MTIF2: variants seen among roughly 807,000 people sequenced by gnomAD.
MTIF2 encodes the protein mitochondrial translational initiation factor 2, also known as translation initiation factor IF-2, mitochondrial.
MTIF2 carries 71 observed loss-of-function variants against 83.5 expected under a neutral mutation model. The observed-to-expected ratio is 0.85, with a 90% CI of 0.70 to 1.04. The LOEUF (loss-of-function observed/expected upper bound fraction) is 1.04. Ranked by LOEUF, MTIF2 falls within the 50% of genes least tolerant of loss-of-function variation. The probability of loss-of-function intolerance (pLI) is 0.00; values close to 1 mark genes in which losing one functional copy is unlikely to be tolerated. For missense variants in MTIF2, 957 were observed against 846.5 expected, an observed-to-expected ratio of 1.13 and a Z score of -1.62; for synonymous variants, 319 against 287.1, an observed-to-expected ratio of 1.11 and a Z score of -1.12.
intron 8 of MTIF2, among the ~76,000 whole-genome samples, chr2:55,251,335 G>C (rs2104383773): frequency 6.6e-6 from 1 of 152,166 alleles, no homozygotes; most frequent in South Asian, 2.1e-4. Flanking sequence ...AGGCAGTTTT[G>C]AGGAATTAAA....
At chr2:55,238,234 C>T (rs1676036750) in intron 14 of MTIF2, among the ~76,000 whole-genome samples, 1 of 151,792 alleles carries the variant, frequency 6.6e-6, no homozygotes, top group Admixed American at 6.6e-5. Context: ...GGAGGCTGGT[C>T]TTGAATTCGT....
chr2:55,268,503 T>C (rs2104500491), intron 2 of MTIF2, 75 bp downstream of exon 2: 1 of 151,886 alleles, frequency 6.6e-6, no homozygotes, highest in East Asian at 1.9e-4. Flanking sequence ...AGATATGTAA[T>C]TGAGGCAGGA....
In MTIF2 at chr2:55,243,489, T is replaced by C. The variant is rs1237890572; in HGVS notation, c.1491A>G (p.Arg497=). The C allele has an allele frequency of 1.1e-5, 18 of 1,614,010 alleles. No individual in the cohort carries two copies. Among genetic ancestry groups the C allele is most frequent in the Non-Finnish European group, 1.4e-5 (17 of 1,179,990 alleles). Reference sequence around the variant, plus strand: ...TTGGCTTTAAGGGTATTTGTTCTTTTCTTTCTAAAAACCGTAGAATTGATC... The same window carrying C: ...TTGGCTTTAAGGGTATTTGTTCTTTCCTTTCTAAAAACCGTAGAATTGATC... The part of the protein sequence containing the change: ...KKRSILRFLE[R]KEQIPLKPKE... Residue 497 remains arginine, a synonymous_variant, in exon 12 of 16, where the codon AGA becomes AGG. Transcript: ENST00000263629.
At chr2:55,258,811 C>CAAA (rs368542489) in intron 5 of MTIF2, among the ~76,000 whole-genome samples, 10 of 67,240 alleles carry the variant, frequency 1.5e-4, no homozygotes, top group South Asian at 1.1e-3. Context: ...GCCTCTGTCT[C>CAAA]AAAAAAAAAA....
intron 5 of MTIF2, among the ~76,000 whole-genome samples, chr2:55,258,390 C>G (rs1677704193): frequency 6.6e-6 from 1 of 152,178 alleles, no homozygotes; most frequent in Non-Finnish European, 1.5e-5. Flanking sequence ...ATGAGTTGGT[C>G]AGGCATAGTG....
rs1163814915 is a variant in MTIF2, at chr2:55,243,609, C to G, written c.1371G>C (p.Gln457His). 1 of 1,614,024 alleles carries G rather than the reference C, an allele frequency of 6.2e-7. No homozygotes were observed. The change falls in exon 12 of 16, where the codon CAG becomes CAC. Residue 457 changes from glutamine (Q) to histidine (H), a missense_variant. Coordinates refer to ENST00000263629, the MANE Select transcript of MTIF2 (RefSeq NM_002453.3). ...TTTCTTCTATTATTTTCAGATCCTC[C>G]TGACCTTTCTCCTGTTCTTGTTCAT... ...RKYEQEQEKG[Q>H]EDLKIIEEKR...
intron 8 of MTIF2, among the ~76,000 whole-genome samples, chr2:55,250,836 C>T (rs1183608780): frequency 6.6e-6 from 1 of 151,998 alleles, no homozygotes; most frequent in African/African-American, 2.4e-5. Context: ...TACATTCTGG[C>T]CGGGCACGGT....
At chr2:55,256,650 G>A (rs967116953) in intron 5 of MTIF2, among the ~76,000 whole-genome samples, 2 of 149,944 alleles carry the variant, frequency 1.3e-5, no homozygotes, top group Non-Finnish European at 3.0e-5. Context: ...GAAGTAAGCC[G>A]AGATCACGCC....
intron 3 of MTIF2, among the ~76,000 whole-genome samples, chr2:55,267,061 C>G (rs112089879): frequency 2.0e-5 from 3 of 151,802 alleles, no homozygotes; most frequent in Non-Finnish European, 4.4e-5. Flanking sequence ...TGAGCCACCA[C>G]GCCTAGCCTA....
intron 5 of MTIF2, among the ~76,000 whole-genome samples, chr2:55,261,659 C>T (rs1678005210): frequency 6.6e-6 from 1 of 151,550 alleles, no homozygotes; most frequent in African/African-American, 2.4e-5. Context: ...AATTATAGGG[C>T]CAGGCGTGGT....
chr2:55,254,235 A>G lies in MTIF2; in HGVS notation c.504-34T>C, dbSNP rs372684352. 132 of 1,597,442 alleles carry G rather than the reference A, an allele frequency of 8.3e-5. No individual in the cohort carries two copies. In the African/African-American group the frequency reaches 1.5e-3, roughly 19 times the overall value. On this transcript the variant is annotated intron_variant, in intron 6 of 15. Transcript: ENST00000263629. Reference sequence around the variant, plus strand: ...AACAGCAAAAGAGTTTCATTTCTTAAATATCAGAAATACTTTATAGCCTGT... The same window carrying G: ...AACAGCAAAAGAGTTTCATTTCTTAGATATCAGAAATACTTTATAGCCTGT...
intron 10 of MTIF2, 110 bp from the exon 11 acceptor site, chr2:55,244,343 T>C: frequency 1.2e-6 from 1 of 820,190 alleles, no homozygotes; most frequent in Non-Finnish European, 1.9e-6. Flanking sequence ...CAAGATTAAT[T>C]CCACCACTTC....
chr2:55,243,574 T>G lies in MTIF2; in HGVS notation c.1406A>C (p.Glu469Ala). Residue 469 changes from glutamate (E) to alanine (A), a missense_variant, in exon 12 of 16, where the codon GAA becomes GCA. Coordinates refer to ENST00000263629, the MANE Select transcript of MTIF2 (RefSeq NM_002453.3). ...GGCTTTCTGATGTGCTTCTTTGTGT[T>G]CCTTTCGCTTTTCTTCTATTATTTT... ...DLKIIEEKRK[E>A]HKEAHQKARE... 2 of 1,614,134 alleles carry G rather than the reference T, an allele frequency of 1.2e-6. No individual in the cohort carries two copies. Among genetic ancestry groups the G allele is most frequent in the Non-Finnish European group, 1.7e-6 (2 of 1,180,010 alleles).
chr2:55,256,931 G>A (rs369150531), intron 5 of MTIF2, among the ~76,000 whole-genome samples: 4 of 151,976 alleles, frequency 2.6e-5, no homozygotes, highest in African/African-American at 7.2e-5. Flanking sequence ...ACTCCTGGTC[G>A]AGCAATTCTC....
chr2:55,268,325 T>C (rs914715664), intron 2 of MTIF2, among the ~76,000 whole-genome samples: 2 of 152,228 alleles, frequency 1.3e-5, no homozygotes, highest in African/African-American at 4.8e-5. Flanking sequence ...GAATGGCACA[T>C]GGAAAATATC....
chr2:55,256,347 A>G (rs1170496664), intron 5 of MTIF2, among the ~76,000 whole-genome samples: 1 of 151,922 alleles, frequency 6.6e-6, no homozygotes, highest in Non-Finnish European at 1.5e-5. Context: ...CTCTGAATAC[A>G]TGTATCCGCA....
chr2:55,242,623 C>T (rs1403250287), intron 13 of MTIF2, among the ~76,000 whole-genome samples: 1 of 152,096 alleles, frequency 6.6e-6, no homozygotes, highest in East Asian at 1.9e-4. Flanking sequence ...TATGAGAAAT[C>T]AACCTTGGGA....
rs1394751061 is a variant in MTIF2, at chr2:55,236,778, A to C, written c.2054T>G (p.Ile685Ser). The change falls in exon 16 of 16, where the codon ATT (isoleucine) becomes AGT (serine). Residue 685 changes from isoleucine to serine, a missense_variant. This residue lies in a region of MTIF2 where 221 missense variants were observed against 180.6 expected (regional missense o/e 1.22). Coordinates refer to ENST00000263629, the MANE Select transcript of MTIF2 (RefSeq NM_002453.3). ...SLKHHKDDIS[I>S]VKTGMDCGLS... Reference sequence around the variant, plus strand: ...ACCACAATCCATTCCCGTTTTGACAATTGAAATGTCATCTTTATGGTGTTT... The same window carrying C: ...ACCACAATCCATTCCCGTTTTGACACTTGAAATGTCATCTTTATGGTGTTT... 1 of 1,609,328 alleles carries C rather than the reference A, an allele frequency of 6.2e-7. No homozygotes were observed. Among genetic ancestry groups the C allele is most frequent in the Non-Finnish European group, 8.5e-7 (1 of 1,178,876 alleles).
chr2:55,239,076 C>G (rs1297788343), intron 14 of MTIF2, among the ~76,000 whole-genome samples: 1 of 152,092 alleles, frequency 6.6e-6, no homozygotes, highest in African/African-American at 2.4e-5. Flanking sequence ...AGAACTGTTC[C>G]AGATTAAATG....
Sources: allele counts gnomAD v4.1 joint callset (sites outside exome capture counted in the v4.1 genomes callset), GRCh38; gene constraint gnomAD v4.1.1; regional missense constraint gnomAD v4.1.1; transcripts MANE v1.5; gene names NCBI Gene and HGNC (gene_info 2026-07-23, HGNC 2026-07-21).